Variants in CSTA observed in about 807,000 individuals in gnomAD.
CSTA encodes the protein cystatin-A.
CSTA carries 9 observed loss-of-function variants against 9.2 expected under a neutral mutation model. The ratio of observed to expected loss-of-function variants is 0.97; its 90% CI spans 0.59 to 1.70. The LOEUF is 1.70. Ranked by LOEUF, CSTA falls within the 40% of genes most tolerant of loss-of-function variation. The pLI is 0.00. For synonymous variants in CSTA, 36 were observed against 40.6 expected (o/e 0.89, Z 0.43); for missense variants, 118 against 113.1 (o/e 1.04, Z -0.20).
At chr3:122,335,842 C>A (rs1179052271) in intron 1 of CSTA, among the ~76,000 whole-genome samples, 1 of 151,618 alleles carries the variant, frequency 6.6e-6, no homozygotes, top group African/African-American at 2.4e-5. Context: ...ATGTTGGTCA[C>A]ACTGGTCTCA....
chr3:122,327,401 C>T (rs1349506434), intron 1 of CSTA, among the ~76,000 whole-genome samples: 13 of 150,812 alleles, frequency 8.6e-5, no homozygotes, highest in Admixed American at 1.3e-4. Flanking sequence ...TGGTGGCGGG[C>T]GCCTGTAGTC....
intron 1 of CSTA, among the ~76,000 whole-genome samples, chr3:122,334,030 G>A (rs2075223055): frequency 6.6e-6 from 1 of 152,130 alleles, no homozygotes; most frequent in Non-Finnish European, 1.5e-5. Context: ...CCCTCCTTTG[G>A]AATTTTGAAA....
At chr3:122,339,181 A>G (rs1304768966) in intron 2 of CSTA, among the ~76,000 whole-genome samples, 5 of 152,190 alleles carry the variant, frequency 3.3e-5, no homozygotes, top group African/African-American at 1.2e-4. Flanking sequence ...CCTGGGTTTG[A>G]ACCCTTGTTC....
chr3:122,327,044 C>A (rs1458964236), intron 1 of CSTA, among the ~76,000 whole-genome samples: 2 of 151,826 alleles, frequency 1.3e-5, no homozygotes, highest in African/African-American at 4.8e-5. Context: ...TCGAGACCAG[C>A]CTGGCCAACA....
At chr3:122,336,171 G>A (rs898186314) in intron 1 of CSTA, among the ~76,000 whole-genome samples, 1 of 152,252 alleles carries the variant, frequency 6.6e-6, no homozygotes, top group South Asian at 2.1e-4. Context: ...AAGAGACACA[G>A]CACCCAAATC....
At chr3:122,339,386 T>A (rs1003413252) in intron 2 of CSTA, among the ~76,000 whole-genome samples, 1 of 152,222 alleles carries the variant, frequency 6.6e-6, no homozygotes, top group African/African-American at 2.4e-5. Flanking sequence ...ATCTATGAGA[T>A]AAGTACAATC....
chr3:122,330,912 C>T (rs1173342168), intron 1 of CSTA, among the ~76,000 whole-genome samples: 8 of 151,944 alleles, frequency 5.3e-5, no homozygotes, highest in South Asian at 2.1e-4. Context: ...ATCTGTATAA[C>T]GAAGAACCAA....
At chr3:122,326,949 CAG>C (rs1207701564) in intron 1 of CSTA, among the ~76,000 whole-genome samples, 1 of 152,136 alleles carries the variant, frequency 6.6e-6, no homozygotes, top group African/African-American at 2.4e-5. Context: ...CTTTAAAAGT[CAG>C]GGTGCAGGCT....
At chr3:122,328,056 C>G (rs931416195) in intron 1 of CSTA, among the ~76,000 whole-genome samples, 11 of 152,140 alleles carry the variant, frequency 7.2e-5, no homozygotes, top group South Asian at 2.1e-4. Flanking sequence ...GTATTAAGAA[C>G]AGCTACCTCA....
chr3:122,330,974 T>C (rs2075200954), intron 1 of CSTA, among the ~76,000 whole-genome samples: 1 of 152,170 alleles, frequency 6.6e-6, no homozygotes, highest in African/African-American at 2.4e-5. Flanking sequence ...TGCTGATCCA[T>C]TATCTTATAT....
chr3:122,337,276 A>G (rs1408742878), intron 1 of CSTA, among the ~76,000 whole-genome samples: 1 of 152,232 alleles, frequency 6.6e-6, no homozygotes, highest in Non-Finnish European at 1.5e-5. Flanking sequence ...AAAGATACAT[A>G]TAACTCTTAG....
chr3:122,341,346 A>T (rs922358882), intron 2 of CSTA, 93 bp from the exon 3 acceptor site: 18 of 1,394,406 alleles, frequency 1.3e-5, no homozygotes, highest in Middle Eastern at 2.3e-4. Flanking sequence ...AGCTTTTTGG[A>T]CAGAAGTCTT....
intron 1 of CSTA, among the ~76,000 whole-genome samples, chr3:122,327,243 A>G (rs1001924573): frequency 1.3e-5 from 2 of 149,212 alleles, no homozygotes; most frequent in African/African-American, 5.0e-5. Context: ...CTCAAAAAAA[A>G]AAAGGGCCAG....
At chr3:122,325,608 T>G (rs560965426) in intron 1 of CSTA, among the ~76,000 whole-genome samples, 1 of 152,332 alleles carries the variant, frequency 6.6e-6, no homozygotes, top group Non-Finnish European at 1.5e-5. Context: ...GGTAAAAGAA[T>G]TTGTATTGTA....
At chr3:122,335,008 C>T (rs1424671467) in intron 1 of CSTA, among the ~76,000 whole-genome samples, 1 of 152,138 alleles carries the variant, frequency 6.6e-6, no homozygotes, top group African/African-American at 2.4e-5. Flanking sequence ...GTCCTCCACC[C>T]CGGCAGAAGA....
chr3:122,328,645 T>TG (rs2075184339), intron 1 of CSTA, among the ~76,000 whole-genome samples: 1 of 151,706 alleles, frequency 6.6e-6, no homozygotes, highest in Non-Finnish European at 1.5e-5. Flanking sequence ...GAGAGTGTGG[T>TG]AAGTTTGTCT....
At chr3:122,327,095 G>T (rs988587882) in intron 1 of CSTA, among the ~76,000 whole-genome samples, 1 of 151,818 alleles carries the variant, frequency 6.6e-6, no homozygotes, top group East Asian at 2.0e-4. Flanking sequence ...AAAATTAGCC[G>T]AGCATGGTGG....
At chr3:122,340,328 G>A (rs1026828920) in intron 2 of CSTA, among the ~76,000 whole-genome samples, 5 of 150,926 alleles carry the variant, frequency 3.3e-5, no homozygotes, top group Non-Finnish European at 5.9e-5. Flanking sequence ...TTTTTGAGAC[G>A]GAGTTTCACT....
intron 1 of CSTA, among the ~76,000 whole-genome samples, chr3:122,329,213 G>A (rs62269141): frequency 0.5 from 75,509 of 151,464 alleles, 19,673 homozygotes; most frequent in Non-Finnish European, 0.58. Flanking sequence ...TGATCCACCC[G>A]CCTTGGCCTC....
Sources: allele counts gnomAD v4.1 joint callset (sites outside exome capture counted in the v4.1 genomes callset), GRCh38; gene constraint gnomAD v4.1.1; transcripts MANE v1.5; gene names NCBI Gene and HGNC (gene_info 2026-07-23, HGNC 2026-07-21).